UBE2K: variants seen among roughly 807,000 people sequenced by gnomAD.
The protein encoded by UBE2K is ubiquitin-conjugating enzyme E2 K.
In UBE2K, 6 loss-of-function variants were observed where a neutral mutation model predicts 30.0. That is an observed-to-expected ratio of 0.20 (90% CI 0.11 to 0.39). The LOEUF (loss-of-function observed/expected upper bound fraction) is 0.39. Among genes scored for constraint, UBE2K ranks in the 10% least tolerant of loss-of-function variants. The pLI, the probability that UBE2K is intolerant of heterozygous loss-of-function variation, is 1.00. For missense variants in UBE2K, 61 were observed against 241.6 expected, an observed-to-expected ratio of 0.25 and a Z score of 4.96; for synonymous variants, 86 against 83.7, an observed-to-expected ratio of 1.03 and a Z score of -0.15.
At chr4:39,705,202 T>TG (rs1298879478) in intron 1 of UBE2K, among the ~76,000 whole-genome samples, 1 of 141,858 alleles carries the variant, frequency 7.0e-6, no homozygotes, top group Non-Finnish European at 1.5e-5. Flanking sequence ...GGGTTTTTTT[T>TG]TTTTTTTTTT....
At chr4:39,770,560 C>T (rs1212748947) in intron 4 of UBE2K, 2 of 1,590,184 alleles carry the variant, frequency 1.3e-6, no homozygotes, top group Non-Finnish European at 1.7e-6. Context: ...GCTGCTTCCA[C>T]CAGGCCCGAG....
chr4:39,700,765 A>AG (rs567115785), intron 1 of UBE2K, among the ~76,000 whole-genome samples: 16 of 151,602 alleles, frequency 1.1e-4, no homozygotes, highest in Non-Finnish European at 1.9e-4. Flanking sequence ...GGTTGATTTA[A>AG]GGACTTTTTG....
chr4:39,748,153 C>A (rs542622762), intron 3 of UBE2K, among the ~76,000 whole-genome samples: 1 of 152,314 alleles, frequency 6.6e-6, no homozygotes, highest in African/African-American at 2.4e-5. Flanking sequence ...AGTTGTGGCT[C>A]TGTTTTAGGC....
intron 1 of UBE2K, among the ~76,000 whole-genome samples, chr4:39,730,673 C>G (rs980805247): frequency 6.6e-6 from 1 of 151,944 alleles, no homozygotes; most frequent in Non-Finnish European, 1.5e-5. Context: ...GAGGCTAAGG[C>G]AGAAGGATCG....
intron 4 of UBE2K, among the ~76,000 whole-genome samples, chr4:39,760,441 A>G (rs1326135161): frequency 1.3e-5 from 2 of 152,180 alleles, no homozygotes; most frequent in East Asian, 3.8e-4. Context: ...CATTGTGATC[A>G]CACACTGGAG....
At chr4:39,753,488 G>A (rs184466157) in intron 3 of UBE2K, among the ~76,000 whole-genome samples, 146 of 152,242 alleles carry the variant, frequency 9.6e-4, no homozygotes, top group Non-Finnish European at 1.8e-3. Flanking sequence ...CATGTGAGTC[G>A]CTTACATCTG....
At chr4:39,699,280 C>G (rs1435452533) in intron 1 of UBE2K, among the ~76,000 whole-genome samples, 1 of 152,196 alleles carries the variant, frequency 6.6e-6, no homozygotes, top group Non-Finnish European at 1.5e-5. Flanking sequence ...CACGAAACTT[C>G]ATTATGATGT....
chr4:39,703,873 G>C (rs1718178269), intron 1 of UBE2K, among the ~76,000 whole-genome samples: 1 of 148,118 alleles, frequency 6.8e-6, no homozygotes, highest in Non-Finnish European at 1.5e-5. Flanking sequence ...AGAATACTTT[G>C]AGACTTAACT....
chr4:39,770,586 G>T (rs1353441807), intron 4 of UBE2K: 10 of 1,582,748 alleles, frequency 6.3e-6, no homozygotes, highest in South Asian at 1.1e-5. Flanking sequence ...CCCCACGCTG[G>T]CCCGGCCTCC....
At chr4:39,757,268 C>T (rs929196960) in intron 4 of UBE2K, among the ~76,000 whole-genome samples, 1 of 152,010 alleles carries the variant, frequency 6.6e-6, no homozygotes, top group Admixed American at 6.6e-5. Context: ...TCAGGTGATC[C>T]ACCTGCCTCA....
chr4:39,772,463 T>C (rs1327636880), intron 4 of UBE2K, among the ~76,000 whole-genome samples: 1 of 151,134 alleles, frequency 6.6e-6, no homozygotes, highest in Non-Finnish European at 1.5e-5. Context: ...TAGTCCCAGC[T>C]ACTCAGGAGG....
chr4:39,769,213 G>GTTTTTTTTTTTTTTTCTTTTTTTTTT (rs1712569154), intron 4 of UBE2K, among the ~76,000 whole-genome samples: 1 of 128,690 alleles, frequency 7.8e-6, no homozygotes, highest in Non-Finnish European at 1.7e-5. Flanking sequence ...GTTTCTTTTT[G>GTTTTTTTTTTTTTTTCTTTTTTTTTT]TTTTTTTTTT....
At position 39,738,835 on chromosome 4, in the gene UBE2K, C is replaced by T. The variant is rs79079624; in HGVS notation, c.157+1322C>T. Among the ~76,000 whole-genome samples the T allele has an allele frequency of 4.0e-3, 610 of 151,904 alleles. 4 individuals are homozygous for T. Among genetic ancestry groups the T allele is most frequent in the African/African-American group, 0.014 (571 of 41,390 alleles). On this transcript the variant is annotated intron_variant, in intron 2 of 6. Transcript: ENST00000261427. ...TGGGATTACAGGCGCACCACCATGC[C>T]GGCTAATTTTTGTATTTTTAGTAGA...
At chr4:39,755,877 A>G in intron 4 of UBE2K, 138 bp downstream of exon 4, 2 of 570,586 alleles carry the variant, frequency 3.5e-6, no homozygotes, top group Non-Finnish European at 6.0e-6. Context: ...TCTTAAGTGC[A>G]TAACTGAAAA....
chr4:39,713,083 C>CT (rs1227151719), intron 1 of UBE2K, among the ~76,000 whole-genome samples: 8 of 151,822 alleles, frequency 5.3e-5, no homozygotes, highest in African/African-American at 1.7e-4. Context: ...ACACTGGTCT[C>CT]TAACTCCTGA....
chr4:39,758,748 G>T (rs1375697404), intron 4 of UBE2K, among the ~76,000 whole-genome samples: 1 of 151,652 alleles, frequency 6.6e-6, no homozygotes, highest in African/African-American at 2.4e-5. Flanking sequence ...TTTTTGCCCA[G>T]AGTTAAGCCA....
At chr4:39,719,375 G>A (rs1719295171) in intron 1 of UBE2K, among the ~76,000 whole-genome samples, 1 of 152,028 alleles carries the variant, frequency 6.6e-6, no homozygotes, top group South Asian at 2.1e-4. Flanking sequence ...TCTACTCCTG[G>A]TAGATTAAAC....
At chr4:39,712,472 C>A (rs1247356239) in intron 1 of UBE2K, among the ~76,000 whole-genome samples, 1 of 151,062 alleles carries the variant, frequency 6.6e-6, no homozygotes, top group Non-Finnish European at 1.5e-5. Context: ...CTTTATCGCC[C>A]AGGCTGGAGT....
At chr4:39,758,305 T>C (rs1711632709) in intron 4 of UBE2K, among the ~76,000 whole-genome samples, 1 of 152,160 alleles carries the variant, frequency 6.6e-6, no homozygotes, top group Non-Finnish European at 1.5e-5. Flanking sequence ...CTAGCCTGCA[T>C]GATTGCATTA....
Sources: gnomAD v4.1 joint callset for allele counts (sites outside exome capture counted in the v4.1 genomes callset) on GRCh38, gnomAD v4.1.1 for gene constraint, MANE v1.5 for transcripts, NCBI Gene and HGNC (gene_info 2026-07-23, HGNC 2026-07-21) for gene names.